Variants in PDZD2 observed in about 807,000 individuals in gnomAD.
The protein encoded by PDZD2 is PDZ domain-containing protein 2.
In PDZD2, 90 loss-of-function variants were observed where a neutral mutation model predicts 220.7. The ratio of observed to expected loss-of-function variants is 0.41; its 90% CI spans 0.34 to 0.49. The LOEUF (loss-of-function observed/expected upper bound fraction) is 0.49. Ranked by LOEUF, PDZD2 falls within the 20% of genes least tolerant of loss-of-function variation. The pLI is 0.28. For missense variants in PDZD2, 3,174 were observed against 3,608.5 expected (o/e 0.88, Z 3.08); for synonymous variants, 1,375 against 1,450.5 (o/e 0.95, Z 1.18).
chr5:32,047,228 T>TA (rs35640036), intron 7 of PDZD2, among the ~76,000 whole-genome samples: 3 of 148,370 alleles, frequency 2.0e-5, no homozygotes, highest in East Asian at 2.0e-4. Flanking sequence ...AAATGCAATT[T>TA]AAAAAAAACA....
chr5:31,779,094 T>C (rs1345561223), intron 1 of PDZD2, among the ~76,000 whole-genome samples: 1 of 152,030 alleles, frequency 6.6e-6, no homozygotes, highest in Non-Finnish European at 1.5e-5. Context: ...CCAAAACCCA[T>C]TACCTATGTG....
At chr5:31,920,589 T>C (rs1198452032) in intron 2 of PDZD2, among the ~76,000 whole-genome samples, 2 of 151,780 alleles carry the variant, frequency 1.3e-5, no homozygotes, top group Non-Finnish European at 1.5e-5. Context: ...GGAAGATCAC[T>C]TGAGGCCAGG....
intron 2 of PDZD2, among the ~76,000 whole-genome samples, chr5:31,873,091 T>G (rs1044711113): frequency 1.1e-3 from 162 of 152,256 alleles, no homozygotes; most frequent in African/African-American, 3.9e-3. Flanking sequence ...AAGCAAAGCA[T>G]GACTACATAT....
chr5:31,705,709 G>T (rs1348065217), intron 1 of PDZD2, among the ~76,000 whole-genome samples: 3 of 152,182 alleles, frequency 2.0e-5, no homozygotes, highest in Admixed American at 6.5e-5. Flanking sequence ...AGAAATCAGG[G>T]CAAAGAGAAA....
chr5:31,842,333 A>T (rs1757360061), intron 2 of PDZD2, among the ~76,000 whole-genome samples: 1 of 152,184 alleles, frequency 6.6e-6, no homozygotes, highest in South Asian at 2.1e-4. Flanking sequence ...GGTAATTGTC[A>T]TTATCCCCAG....
chr5:31,962,451 A>G (rs1748332619), intron 2 of PDZD2, among the ~76,000 whole-genome samples: 2 of 150,858 alleles, frequency 1.3e-5, no homozygotes, highest in Admixed American at 1.3e-4. Context: ...GAGGGCGGCA[A>G]CGAGTCTCTT....
intron 1 of PDZD2, among the ~76,000 whole-genome samples, chr5:31,675,988 C>T (rs1325651065): frequency 6.6e-6 from 1 of 152,170 alleles, no homozygotes; most frequent in Non-Finnish European, 1.5e-5. Flanking sequence ...AGGCGTGAGC[C>T]ACCGTGCCCA....
rs1554084013 is a variant in PDZD2, at chr5:31,856,935, T to TAA, written c.476+57212_476+57213dup. The stretch of plus-strand genomic sequence containing the variant: ...ATATATATATATATATATATATATA[T>TAA]AACTTTAAAAAGTCAAATATGTCTA... On this transcript the variant is annotated intron_variant, in intron 2 of 24. Transcript: ENST00000438447. Among the ~76,000 whole-genome samples the TAA allele has an allele frequency of 1.1e-3, 117 of 107,896 alleles. 1 individual carries two copies. The highest frequency in any genetic ancestry group is 2.0e-3 in the Non-Finnish European group (92 of 44,880). The allele number at this position is 107,896 out of a possible 152,430, so 70.8% of individuals were successfully genotyped here.
intron 1 of PDZD2, among the ~76,000 whole-genome samples, chr5:31,642,149 A>G (rs376681687): frequency 1.2e-4 from 18 of 152,302 alleles, no homozygotes; most frequent in African/African-American, 4.1e-4. Flanking sequence ...ACCATCCACA[A>G]GGGGACAAAT....
At chr5:31,975,792 A>ATTTTTT (rs1561237947) in intron 2 of PDZD2, among the ~76,000 whole-genome samples, 5 of 61,394 alleles carry the variant, frequency 8.1e-5, no homozygotes, top group East Asian at 4.0e-4. Context: ...GGTATCAGTC[A>ATTTTTT]CTTTTTTTTT....
intron 2 of PDZD2, among the ~76,000 whole-genome samples, chr5:31,963,813 C>T (rs1205640758): frequency 6.6e-6 from 1 of 152,174 alleles, no homozygotes; most frequent in Non-Finnish European, 1.5e-5. Flanking sequence ...GTTAGCCCCA[C>T]TCTGTGCTTA....
chr5:32,011,334 C>CA (rs70957995), intron 6 of PDZD2, among the ~76,000 whole-genome samples: 3,332 of 133,780 alleles, frequency 0.025, 123 homozygotes, highest in African/African-American at 0.081. Context: ...ACAAAAAATA[C>CA]AAAAAAAAAA....
intron 6 of PDZD2, among the ~76,000 whole-genome samples, chr5:32,030,793 T>G (rs763082812): frequency 1.3e-5 from 2 of 152,180 alleles, no homozygotes; most frequent in African/African-American, 2.4e-5. Context: ...AGCATCAAGT[T>G]CTAGCCTATT....
At chr5:31,948,202 T>C (rs1191781641) in intron 2 of PDZD2, among the ~76,000 whole-genome samples, 1 of 152,172 alleles carries the variant, frequency 6.6e-6, no homozygotes, top group Non-Finnish European at 1.5e-5. Flanking sequence ...CTTTTTGTGG[T>C]GGCTTTCCAG....
At chr5:31,692,466 G>A (rs943979647) in intron 1 of PDZD2, among the ~76,000 whole-genome samples, 1 of 152,268 alleles carries the variant, frequency 6.6e-6, no homozygotes, top group Non-Finnish European at 1.5e-5. Flanking sequence ...TGGGAGCCCA[G>A]GCAGAGGAGG....
intron 8 of PDZD2, among the ~76,000 whole-genome samples, chr5:32,049,055 G>T (rs1738255786): frequency 1.3e-5 from 2 of 152,168 alleles, no homozygotes; most frequent in African/African-American, 4.8e-5. Context: ...ACATGTATGA[G>T]AGAGGGAGTG....
chr5:31,791,994 G>A (rs1025884197), intron 1 of PDZD2, among the ~76,000 whole-genome samples: 2 of 152,130 alleles, frequency 1.3e-5, no homozygotes, highest in African/African-American at 4.8e-5. Flanking sequence ...TTCCCTAAAG[G>A]AATGTTGGTG....
intron 24 of PDZD2, among the ~76,000 whole-genome samples, chr5:32,105,407 A>G (rs1229676849): frequency 6.6e-6 from 1 of 152,208 alleles, no homozygotes; most frequent in African/African-American, 2.4e-5. Context: ...GATGTGGAGA[A>G]AGGAAAACAC....
chr5:31,710,817 GA>G (rs61278404), intron 1 of PDZD2, among the ~76,000 whole-genome samples: 6,057 of 140,084 alleles, frequency 0.043, 167 homozygotes, highest in Middle Eastern at 0.11. Flanking sequence ...ACTCCGTCTT[GA>G]AAAAAAAAAA....
Sources: allele counts gnomAD v4.1 joint callset (sites outside exome capture counted in the v4.1 genomes callset), GRCh38; gene constraint gnomAD v4.1.1; transcripts MANE v1.5; gene names NCBI Gene and HGNC (gene_info 2026-07-23, HGNC 2026-07-21).